Variants in LRRTM4 observed in about 807,000 individuals in gnomAD.
LRRTM4 encodes leucine-rich repeat transmembrane neuronal protein 4.
LRRTM4 carries 25 observed loss-of-function variants against 47.6 expected under a neutral mutation model. The observed-to-expected ratio is 0.53, with a 90% CI of 0.38 to 0.73. LRRTM4 has a LOEUF of 0.73. LRRTM4 is among the 30% of genes least tolerant of loss of function. The probability of loss-of-function intolerance (pLI) is 0.00; values close to 1 mark genes in which losing one functional copy is unlikely to be tolerated. For missense variants in LRRTM4, 638 were observed against 713.4 expected (o/e 0.89, Z 1.20); for synonymous variants, 311 against 269.5 (o/e 1.15, Z -1.51).
At chr2:76,886,067 A>G (rs1449087596) in intron 3 of LRRTM4, among the ~76,000 whole-genome samples, 1 of 152,240 alleles carries the variant, frequency 6.6e-6, no homozygotes, top group Non-Finnish European at 1.5e-5. Context: ...ACAAGTGTTA[A>G]GCTGAAAGAT....
intron 3 of LRRTM4, among the ~76,000 whole-genome samples, chr2:77,328,446 T>G (rs1670859764): frequency 6.6e-6 from 1 of 152,178 alleles, no homozygotes; most frequent in Admixed American, 6.5e-5. Flanking sequence ...AAGGGAGATT[T>G]GCAGTCATGC....
At chr2:77,046,876 G>T (rs1679253010) in intron 3 of LRRTM4, among the ~76,000 whole-genome samples, 1 of 151,954 alleles carries the variant, frequency 6.6e-6, no homozygotes, top group East Asian at 1.9e-4. Context: ...CAAAGCAAAT[G>T]AAGTGACTTT....
At chr2:77,346,451 C>T (rs1279589492) in intron 3 of LRRTM4, among the ~76,000 whole-genome samples, 2 of 152,026 alleles carry the variant, frequency 1.3e-5, no homozygotes, top group Non-Finnish European at 2.9e-5. Flanking sequence ...TGTATATGTG[C>T]AAGTACTTGT....
At chr2:77,215,899 T>G (rs1674422222) in intron 3 of LRRTM4, among the ~76,000 whole-genome samples, 1 of 152,196 alleles carries the variant, frequency 6.6e-6, no homozygotes, top group African/African-American at 2.4e-5. Context: ...GTATTATTTC[T>G]TTTTAGAATC....
At chr2:76,860,339 G>C (rs565252110) in intron 3 of LRRTM4, among the ~76,000 whole-genome samples, 1 of 152,104 alleles carries the variant, frequency 6.6e-6, no homozygotes, top group South Asian at 2.1e-4. Context: ...TTTGATATTC[G>C]ATGATGTCTA....
intron 3 of LRRTM4, among the ~76,000 whole-genome samples, chr2:77,120,843 G>A (rs1166362594): frequency 6.6e-6 from 1 of 151,828 alleles, no homozygotes; most frequent in East Asian, 1.9e-4. Flanking sequence ...GTGGAGGAGA[G>A]CCTTTTTCTA....
chr2:77,378,889 A>G (rs956935818), intron 3 of LRRTM4, among the ~76,000 whole-genome samples: 3 of 152,136 alleles, frequency 2.0e-5, no homozygotes, highest in Non-Finnish European at 4.4e-5. Context: ...TCACCTTTAC[A>G]CACAAGTGCT....
intron 3 of LRRTM4, among the ~76,000 whole-genome samples, chr2:77,415,734 T>C (rs1400728205): frequency 6.6e-6 from 1 of 152,194 alleles, no homozygotes; most frequent in South Asian, 2.1e-4. Context: ...CTTTCTCTTG[T>C]CTCTATATTT....
At chr2:77,504,302 A>G (rs375013128) in intron 3 of LRRTM4, among the ~76,000 whole-genome samples, 1 of 151,660 alleles carries the variant, frequency 6.6e-6, no homozygotes, top group Admixed American at 6.6e-5. Flanking sequence ...AGTAGTTGTC[A>G]CATCGACCAT....
intron 3 of LRRTM4, among the ~76,000 whole-genome samples, chr2:77,438,497 C>T (rs146603006): frequency 2.0e-5 from 3 of 150,332 alleles, no homozygotes; most frequent in Non-Finnish European, 2.9e-5. Context: ...CGCTCCGCCT[C>T]CCGGGTTCAC....
chr2:77,202,205 T>C (rs1422585682), intron 3 of LRRTM4, among the ~76,000 whole-genome samples: 1 of 152,108 alleles, frequency 6.6e-6, no homozygotes, highest in African/African-American at 2.4e-5. Context: ...TCAAATTTCT[T>C]TGGGAGTCCT....
intron 3 of LRRTM4, among the ~76,000 whole-genome samples, chr2:76,878,163 A>G (rs771956378): frequency 2.6e-5 from 4 of 152,102 alleles, no homozygotes; most frequent in Admixed American, 6.5e-5. Context: ...CAGTGACCTT[A>G]GATGTTACTG....
At chr2:77,092,598 A>G (rs184729320) in intron 3 of LRRTM4, among the ~76,000 whole-genome samples, 1 of 145,856 alleles carries the variant, frequency 6.9e-6, no homozygotes. Context: ...GGACTGGCAA[A>G]TCAGCTTTAC....
chr2:77,139,157 A>C (rs1471813209), intron 3 of LRRTM4, among the ~76,000 whole-genome samples: 4 of 152,048 alleles, frequency 2.6e-5, no homozygotes, highest in Non-Finnish European at 1.5e-5. Flanking sequence ...AAAGGCTGAC[A>C]GAGACACAAC....
intron 3 of LRRTM4, among the ~76,000 whole-genome samples, chr2:77,100,177 G>C (rs1558579989): frequency 3.9e-5 from 6 of 152,114 alleles, no homozygotes. Flanking sequence ...GACTGCGATA[G>C]AAGAGAGAGT....
intron 3 of LRRTM4, among the ~76,000 whole-genome samples, chr2:76,997,692 G>T (rs72823168): frequency 0.017 from 2,583 of 152,144 alleles, 61 homozygotes; most frequent in East Asian, 0.082. Context: ...TATGGCAGGG[G>T]TCCCCAACTC....
Position 77,019,253 on chromosome 2 carries a change from C to CCAA in LRRTM4, c.1552-270338_1552-270337insTTG, listed in dbSNP as rs1311647672. ...GGATACTAAGCTTGTCACTGCTCTA[C>CCAA]AAAAAAAAAAAAAAAAAAAAAAATA... is the stretch of plus-strand genomic sequence containing the variant. On this transcript the variant is annotated intron_variant, in intron 3 of 3. Transcript: ENST00000409884. 7.5e-5 allele frequency among the ~76,000 whole-genome samples: 6 copies of CCAA among 80,500 alleles called. 1 individual carries two copies. Among genetic ancestry groups the CCAA allele is most frequent in the Non-Finnish European group, 9.9e-5 (4 of 40,250 alleles). The allele number at this position is 80,500 out of a possible 152,430, so 52.8% of individuals were successfully genotyped here. A position where few individuals can be genotyped will look rare whatever the true frequency, so the allele number is the denominator to read the frequency against.
chr2:77,223,042 G>A (rs927283927), intron 3 of LRRTM4, among the ~76,000 whole-genome samples: 1 of 152,062 alleles, frequency 6.6e-6, no homozygotes, highest in South Asian at 2.1e-4. Flanking sequence ...GGGATGCAAG[G>A]CTGGTTCAAC....
intron 3 of LRRTM4, among the ~76,000 whole-genome samples, chr2:77,372,946 G>T (rs1672703216): frequency 7.9e-6 from 1 of 126,960 alleles, no homozygotes; most frequent in African/African-American, 2.6e-5. Flanking sequence ...AATGACTTCT[G>T]AATAAAAAAA....
Sources: allele counts gnomAD v4.1 joint callset (sites outside exome capture counted in the v4.1 genomes callset), GRCh38; gene constraint gnomAD v4.1.1; transcripts MANE v1.5; gene names NCBI Gene and HGNC (gene_info 2026-07-23, HGNC 2026-07-21).